Variants in CLEC4A observed in about 807,000 individuals in gnomAD.
The protein encoded by CLEC4A is C-type (calcium dependent, carbohydrate-recognition domain) lectin, superfamily member 6.
CLEC4A carries 27 observed loss-of-function variants against 32.7 expected under a neutral mutation model. The ratio of observed to expected loss-of-function variants is 0.83; its 90% CI spans 0.61 to 1.14. The LOEUF (loss-of-function observed/expected upper bound fraction) is 1.14, where lower values mean the gene tolerates loss of function less well. Ranked by LOEUF, CLEC4A falls within the 50% of genes most tolerant of loss-of-function variation. CLEC4A has a pLI of 0.00. For synonymous variants in CLEC4A, 89 were observed against 93.7 expected (o/e 0.95, Z 0.29); for missense variants, 253 against 274.6 (o/e 0.92, Z 0.55).
intron 1 of CLEC4A, among the ~76,000 whole-genome samples, chr12:8,125,064 A>G (rs1287382924): frequency 6.6e-6 from 1 of 152,186 alleles, no homozygotes; most frequent in Non-Finnish European, 1.5e-5. Flanking sequence ...GAATGATTAT[A>G]AAGATTTATT....
At chr12:8,118,825 G>T (rs1434657253), upstream of CLEC4A, among the ~76,000 whole-genome samples, 1 of 152,204 alleles carries the variant, frequency 6.6e-6, no homozygotes, top group Non-Finnish European at 1.5e-5. Context: ...CCCTTTTAGA[G>T]GTGGTTAGGC....
upstream of CLEC4A, among the ~76,000 whole-genome samples, chr12:8,122,022 C>T (rs1196836917): frequency 6.6e-6 from 1 of 151,836 alleles, no homozygotes; most frequent in African/African-American, 2.4e-5. Flanking sequence ...GGTGTGGTTT[C>T]AGAGACCAAG....
upstream of CLEC4A, among the ~76,000 whole-genome samples, chr12:8,120,264 T>C (rs766029673): frequency 6.6e-6 from 1 of 152,174 alleles, no homozygotes; most frequent in Non-Finnish European, 1.5e-5. Flanking sequence ...AGGGCTTCAA[T>C]GCGCCAATCA....
Position 8,129,376 on chromosome 12 carries a change from T to A in CLEC4A, c.298+14T>A. On this transcript the variant is annotated intron_variant, in intron 3 of 5. Transcript: ENST00000229332. ...TGCCCGTGGAAGGTAAAAATTAATG[T>A]GCCTAGAATTCAGTTGCTGAATGTA... 1 of 1,517,466 alleles carries A rather than the reference T, an allele frequency of 6.6e-7. No individual in the cohort carries two copies. 94.0% of individuals were successfully genotyped at this position (1,517,466 alleles called of 1,614,324 possible).
intron 3 of CLEC4A, chr12:8,134,447 C>A: frequency 1.2e-6 from 2 of 1,613,346 alleles, no homozygotes; most frequent in Non-Finnish European, 1.7e-6. Context: ...TGTCCTGGGA[C>A]TCCTCCGGGT....
chr12:8,125,802 A>G (rs751800751), intron 2 of CLEC4A, 125 bp downstream of exon 2: 25 of 652,532 alleles, frequency 3.8e-5, no homozygotes, highest in African/African-American at 3.8e-4. Flanking sequence ...CTGGGGAGAC[A>G]TAATTCATGG....
At chr12:8,105,646 G>A in the CLEC4A span, among the ~76,000 whole-genome samples, 23 of 151,916 alleles carry the variant, frequency 1.5e-4, no homozygotes, top group East Asian at 7.7e-4. Flanking sequence ...CACCGTGCCC[G>A]GCTGATGTTG....
chr12:8,115,611 AG>A, the CLEC4A span, among the ~76,000 whole-genome samples: 1 of 152,188 alleles, frequency 6.6e-6, no homozygotes, highest in Non-Finnish European at 1.5e-5. Flanking sequence ...AGTTTTCTGC[AG>A]GGTAAATGGT....
the CLEC4A span, among the ~76,000 whole-genome samples, chr12:8,110,009 G>A: frequency 9.2e-5 from 14 of 152,262 alleles, no homozygotes; most frequent in Admixed American, 8.5e-4. Context: ...TGATTCCATA[G>A]TAAGGATTTA....
rs192754480 is a variant in CLEC4A at position 8,128,604 on chromosome 12, T to G, written c.200-660T>G. Among the ~76,000 whole-genome samples the G allele has an allele frequency of 2.4e-3, 372 of 152,066 alleles. 2 individuals are homozygous for G. The highest frequency in any genetic ancestry group is 8.7e-3 in the African/African-American group (360 of 41,484). On this transcript the variant is annotated intron_variant, in intron 2 of 5. Coordinates refer to ENST00000229332, the MANE Select transcript of CLEC4A (RefSeq NM_016184.4). Reference sequence around the variant, plus strand: ...TTTTGTACTTTGAGTAGAGACGAGGTTTCACCATCTTGGCCAGGCTAGTCT... The same window carrying G: ...TTTTGTACTTTGAGTAGAGACGAGGGTTCACCATCTTGGCCAGGCTAGTCT...
rs1176691552 is a variant in CLEC4A at position 8,135,723 on chromosome 12, C to G, written c.437C>G (p.Thr146Ser). 8 of 1,614,028 alleles carry G rather than the reference C, an allele frequency of 5.0e-6. No homozygotes were observed. In the Admixed American group the frequency reaches 5.0e-5, roughly 10 times the overall value. The change falls in exon 4 of 6, where the codon ACT (threonine) becomes AGT (serine). Residue 146 changes from threonine to serine, a missense_variant. Transcript: ENST00000229332. ...GAGGCTCACCTGCTGGTGATAAACA[C>G]TCAAGAAGAGCAGGTACTTTCTAAT... is the stretch of plus-strand genomic sequence containing the variant. ...RMEAHLLVIN[T>S]QEEQDFIFQN...
intron 5 of CLEC4A, among the ~76,000 whole-genome samples, chr12:8,137,280 C>T (rs1948138218): frequency 6.6e-6 from 1 of 151,596 alleles, no homozygotes; most frequent in African/African-American, 2.4e-5. Context: ...TTTAATAATG[C>T]TTTTTTTTTC....
At chr12:8,116,100 A>G in the CLEC4A span, among the ~76,000 whole-genome samples, 1 of 152,148 alleles carries the variant, frequency 6.6e-6, no homozygotes, top group Admixed American at 6.5e-5. Context: ...AGCTGGGATT[A>G]CAGGTGTGCA....
chr12:8,134,864 CG>C (rs1565406202), intron 3 of CLEC4A: 2 of 1,528,248 alleles, frequency 1.3e-6, no homozygotes, highest in South Asian at 2.4e-5. Flanking sequence ...GGAAGGAAGG[CG>C]CCCCAAGCAT....
At chr12:8,119,982 A>G (rs141306959), upstream of CLEC4A, among the ~76,000 whole-genome samples, 1,159 of 152,334 alleles carry the variant, frequency 7.6e-3, 17 homozygotes, top group African/African-American at 0.026. Flanking sequence ...ATTATAGCAA[A>G]AGGATACAAA....
At chr12:8,122,779 TTAGATATAGAAATAATATAGAAATA>T (rs1947845275), upstream of CLEC4A, among the ~76,000 whole-genome samples, 2 of 152,012 alleles carry the variant, frequency 1.3e-5, no homozygotes, top group Non-Finnish European at 2.9e-5. Flanking sequence ...TTCAATATAT[TTAGATATAGAAATAATATAGAAATA>T]TAGACGTGTG....
chr12:8,113,881 A>G, the CLEC4A span, among the ~76,000 whole-genome samples: 1 of 152,166 alleles, frequency 6.6e-6, no homozygotes, highest in Non-Finnish European at 1.5e-5. Flanking sequence ...TGTGTCCCCA[A>G]GTGATAAAAG....
intron 5 of CLEC4A, among the ~76,000 whole-genome samples, chr12:8,137,599 G>T (rs1419871507): frequency 6.6e-6 from 1 of 151,904 alleles, no homozygotes; most frequent in African/African-American, 2.4e-5. Flanking sequence ...TACCACCTTC[G>T]ATCTTCATAT....
chr12:8,111,163 C>A, the CLEC4A span, among the ~76,000 whole-genome samples: 1 of 148,282 alleles, frequency 6.7e-6, no homozygotes, highest in Non-Finnish European at 1.5e-5. Context: ...TGAGCCACCG[C>A]GCCTGGCCCA....
Sources: allele counts gnomAD v4.1 joint callset (sites outside exome capture counted in the v4.1 genomes callset), GRCh38; gene constraint gnomAD v4.1.1; transcripts MANE v1.5; gene names NCBI Gene and HGNC (gene_info 2026-07-23, HGNC 2026-07-21).